The following PHEX variants were observed in gnomAD, a reference collection of about 807,000 sequenced individuals.
PHEX encodes the protein phosphate-regulating neutral endopeptidase PHEX.
Under a neutral mutation model 68.0 loss-of-function variants are expected in PHEX, and 16 were observed. The observed-to-expected ratio is 0.24, with a 90% CI of 0.16 to 0.36. The LOEUF (loss-of-function observed/expected upper bound fraction) is 0.36, where lower values mean the gene tolerates loss of function less well. PHEX is among the 10% of genes least tolerant of loss of function. The pLI is 1.00. For synonymous variants in PHEX, 208 were observed against 205.1 expected, an observed-to-expected ratio of 1.01 and a Z score of -0.12; for missense variants, 480 against 575.5, an observed-to-expected ratio of 0.83 and a Z score of 1.70.
At chrX:22,081,122 T>G (rs1929374967) in intron 5 of PHEX, among the ~76,000 whole-genome samples, 1 of 110,504 alleles carries the variant, frequency 9.0e-6, no homozygotes, top group Non-Finnish European at 1.9e-5. Context: ...GACTTTTAGC[T>G]CCCACCCAAC....
intron 3 of PHEX, among the ~76,000 whole-genome samples, chrX:22,059,443 T>C (rs1184877897): frequency 1.8e-5 from 2 of 112,483 alleles, no homozygotes; most frequent in African/African-American, 6.5e-5. Context: ...AAGTTAGGGC[T>C]TGGTATTTAA....
chrX:22,247,566 T>C (rs1194708893), intron 21 of PHEX, among the ~76,000 whole-genome samples: 2 of 112,417 alleles, frequency 1.8e-5, no homozygotes, highest in Non-Finnish European at 3.7e-5. Flanking sequence ...ATAAAGTTTT[T>C]AAAAAGTTAG....
chrX:22,141,771 A>G (rs1439162052), intron 12 of PHEX, among the ~76,000 whole-genome samples: 1 of 112,306 alleles, frequency 8.9e-6, no homozygotes, highest in Admixed American at 9.5e-5. Context: ...AGACAAAAAA[A>G]AGTTCTAGTT....
At chrX:22,246,810 G>A (rs945548323) in intron 21 of PHEX, among the ~76,000 whole-genome samples, 1 of 112,039 alleles carries the variant, frequency 8.9e-6, no homozygotes, top group African/African-American at 3.2e-5. Context: ...TTACATTTAT[G>A]CAAATGCCCG....
chrX:22,073,624 G>A (rs1411001233), intron 3 of PHEX, among the ~76,000 whole-genome samples: 1 of 101,726 alleles, frequency 9.8e-6, no homozygotes, highest in Non-Finnish European at 2.0e-5. Flanking sequence ...TCTGAGGTTT[G>A]CTGTGCTATA....
intron 6 of PHEX, among the ~76,000 whole-genome samples, chrX:22,091,768 G>C (rs758119395): frequency 8.9e-6 from 1 of 112,015 alleles, no homozygotes; most frequent in Admixed American, 9.5e-5. Context: ...CTGAGACTTG[G>C]TGATTTATAA....
intron 18 of PHEX, 65 bp downstream of exon 18, chrX:22,221,808 T>G (rs1235536679): frequency 1.8e-5 from 18 of 1,010,411 alleles, no homozygotes; most frequent in Non-Finnish European, 2.4e-5. Context: ...GACATTAGCT[T>G]GCTTTAAACC....
At chrX:22,065,159 A>C (rs1928537529) in intron 3 of PHEX, among the ~76,000 whole-genome samples, 1 of 112,536 alleles carries the variant, frequency 8.9e-6, no homozygotes, top group African/African-American at 3.2e-5. Context: ...AGTGAGAGGT[A>C]CTTTTTTTAA....
intron 15 of PHEX, among the ~76,000 whole-genome samples, chrX:22,196,942 A>G (rs1400066679): frequency 8.9e-6 from 1 of 112,051 alleles, no homozygotes; most frequent in Non-Finnish European, 1.9e-5. Flanking sequence ...ACTGTGTTTC[A>G]AACTGGGAGA....
At chrX:22,122,494 C>A (rs1220353509) in intron 11 of PHEX, among the ~76,000 whole-genome samples, 1 of 111,880 alleles carries the variant, frequency 8.9e-6, no homozygotes, top group African/African-American at 3.2e-5. Context: ...GCATTGATAG[C>A]TCATAGCCCA....
chrX:22,159,347 A>T (rs895672244), intron 12 of PHEX, among the ~76,000 whole-genome samples: 1 of 112,960 alleles, frequency 8.9e-6, no homozygotes, highest in African/African-American at 3.2e-5. Flanking sequence ...ACATTTTTTA[A>T]ATAGTTTTAA....
chrX:22,171,316 T>C (rs1441305238), intron 13 of PHEX: 1 of 110,397 alleles, frequency 9.1e-6, no homozygotes, highest in Non-Finnish European at 1.9e-5. Flanking sequence ...GAACTCACTA[T>C]CACAAGAACA....
rs718302 is a variant in PHEX at position 22,250,471 on chromosome X, G to A, written c.*2518G>A. On this transcript the variant is annotated 3_prime_UTR_variant, in exon 22 of 22. Transcript: ENST00000379374. The stretch of plus-strand genomic sequence containing the variant: ...TAAATTAAAAGGATATTAGATATTG[G>A]ATCTCAGACTAGGGCTGCTATAATA... 17 of 111,934 alleles carry A rather than the reference G, an allele frequency of 1.5e-4. No homozygotes were observed. In the East Asian group the frequency reaches 4.7e-3, roughly 31 times the overall value. 9.2% of individuals were successfully genotyped at this position (111,934 alleles called of 1,213,427 possible). A position where few individuals can be genotyped will look rare whatever the true frequency, so the allele number is the denominator to read the frequency against.
In PHEX at chrX:22,170,592, C is replaced by T. The variant is rs144245352; in HGVS notation, c.1482+2203C>T. 6.7e-4 allele frequency among the ~76,000 whole-genome samples: 75 copies of T among 112,136 alleles called. 1 individual carries two copies. The highest frequency in any genetic ancestry group is 4.6e-3 in the Middle Eastern group (1 of 218). On this transcript the variant is annotated intron_variant, in intron 13 of 21. Transcript: ENST00000379374. The stretch of plus-strand genomic sequence containing the variant: ...ATACATGTGTTAGCTATGACATCCT[C>T]AATTCACACTTGTGGTAGTGAACTA...
In PHEX at chrX:22,227,604, A is replaced by G; in HGVS notation, c.2063A>G (p.Tyr688Cys). ...FTNNQLFFLS[Y>C]AHVRCNSYRP... ...AACAACCAGCTCTTCTTCCTGAGTT[A>G]TGCTCATGTGAGTAGACTGAGGAAG... is the stretch of plus-strand genomic sequence containing the variant. The change falls in exon 20 of 22, where the codon TAT becomes TGT. Residue 688 changes from tyrosine to cysteine, a missense_variant. Transcript: ENST00000379374. 4.2e-6 allele frequency: 5 copies of G among 1,184,786 alleles called. No individual in the cohort carries two copies. The highest frequency in any genetic ancestry group is 5.7e-6 in the Non-Finnish European group (5 of 870,827).
chrX:22,113,943 C>CTTTTTTTTTTTT (rs746349559), intron 10 of PHEX, among the ~76,000 whole-genome samples: 1 of 63,996 alleles, frequency 1.6e-5, no homozygotes. Flanking sequence ...TCTTCTTCTT[C>CTTTTTTTTTTTT]TTTTTTTTTT....
chrX:22,036,053 TA>T (rs201821738), intron 1 of PHEX, among the ~76,000 whole-genome samples: 668 of 57,163 alleles, frequency 0.012, 8 homozygotes, highest in African/African-American at 0.021. Context: ...TATATATATA[TA>T]TTTTTTTTTT....
chrX:22,198,082 ATAT>A (rs1431407630), intron 15 of PHEX, among the ~76,000 whole-genome samples: 1 of 102,902 alleles, frequency 9.7e-6, no homozygotes, highest in Admixed American at 1.1e-4. Flanking sequence ...ATTATATCTA[ATAT>A]TAATATACAT....
chrX:22,185,967 G>A (rs930816209), intron 14 of PHEX, among the ~76,000 whole-genome samples: 16 of 110,478 alleles, frequency 1.4e-4, no homozygotes, highest in African/African-American at 5.3e-4. Flanking sequence ...TGTTGGCCAG[G>A]CTGGTTTCGA....
Sources: allele counts gnomAD v4.1 joint callset (sites outside exome capture counted in the v4.1 genomes callset), GRCh38; gene constraint gnomAD v4.1.1; transcripts MANE v1.5; gene names NCBI Gene and HGNC (gene_info 2026-07-23, HGNC 2026-07-21).